The following ANKHD1 variants were observed in gnomAD, a reference collection of about 807,000 sequenced individuals.
ANKHD1 encodes the protein ankyrin repeat and KH domain containing 1.
A neutral mutation model predicts 230.5 loss-of-function variants in ANKHD1; 31 were observed. The observed-to-expected ratio is 0.13, with a 90% CI of 0.10 to 0.18. ANKHD1 has a LOEUF of 0.18. ANKHD1 is among the 10% of genes least tolerant of loss of function. ANKHD1 has a pLI of 1.00. For missense variants in ANKHD1, 2,256 were observed against 3,071.3 expected (o/e 0.73, Z 6.27); for synonymous variants, 1,074 against 1,117.6 (o/e 0.96, Z 0.78).
rs1290548777 is a variant in ANKHD1, at chr5:140,449,301, G to C, written c.1238G>C (p.Cys413Ser). 4.3e-6 allele frequency: 7 copies of C among 1,611,908 alleles called. No homozygotes were observed. Among genetic ancestry groups the C allele is most frequent in the Non-Finnish European group, 5.9e-6 (7 of 1,178,722 alleles). The change falls in exon 7 of 34, where the codon TGC becomes TCC. Residue 413 changes from cysteine to serine, a missense_variant. By Grantham distance (112) the Cys-to-Ser change is moderately radical. Transcript: ENST00000360839. Reference protein sequence around the residue: ...DEMHTALMEACMDGHVEVARL... With the variant: ...DEMHTALMEASMDGHVEVARL... ...ATGCACACTGCCTTAATGGAGGCCT[G>C]CATGGTAATTTTAAATTACACTCAC... is the stretch of plus-strand genomic sequence containing the variant.
intron 24 of ANKHD1, among the ~76,000 whole-genome samples, chr5:140,520,838 A>C (rs1753313578): frequency 6.7e-6 from 1 of 149,202 alleles, no homozygotes; most frequent in Non-Finnish European, 1.5e-5. Context: ...CTAGATGACG[A>C]GTTAATGGGT....
intron 5 of ANKHD1, among the ~76,000 whole-genome samples, chr5:140,442,425 G>A (rs1344945545): frequency 6.6e-6 from 1 of 151,994 alleles, no homozygotes; most frequent in East Asian, 1.9e-4. Flanking sequence ...ACGTGGGGGA[G>A]GGAGGAGGGG....
intron 10 of ANKHD1, among the ~76,000 whole-genome samples, chr5:140,471,950 T>G (rs1446937163): frequency 6.6e-6 from 1 of 152,220 alleles, no homozygotes; most frequent in Admixed American, 6.5e-5. Context: ...TTTTTGTGGC[T>G]TTGTTTTTTG....
intron 24 of ANKHD1, 141 bp downstream of exon 24, chr5:140,513,620 C>A: frequency 1.4e-6 from 1 of 720,846 alleles, no homozygotes; most frequent in Non-Finnish European, 2.1e-6. Context: ...ACCAGCCTTG[C>A]TAACAAGGTG....
chr5:140,532,880 T>C (rs1167577094), intron 29 of ANKHD1: 4 of 360,948 alleles, frequency 1.1e-5, no homozygotes, highest in Non-Finnish European at 2.2e-5. Flanking sequence ...GTGGATCACT[T>C]GAAGTCAGGA....
At chr5:140,402,843 CT>C (rs1370955993) in intron 1 of ANKHD1, among the ~76,000 whole-genome samples, 1 of 151,980 alleles carries the variant, frequency 6.6e-6, no homozygotes, top group African/African-American at 2.4e-5. Context: ...CTTCTGGGAC[CT>C]TTTGTGAAGT....
At chr5:140,462,504 C>T (rs1581285607) in intron 9 of ANKHD1, among the ~76,000 whole-genome samples, 1 of 151,738 alleles carries the variant, frequency 6.6e-6, no homozygotes, top group East Asian at 1.9e-4. Context: ...GTGGGCGGAT[C>T]ACAAGGTCAG....
chr5:140,443,691 A>G (rs1036726213), intron 5 of ANKHD1, among the ~76,000 whole-genome samples: 12 of 152,006 alleles, frequency 7.9e-5, no homozygotes, highest in East Asian at 3.9e-4. Flanking sequence ...AAAAAAAAAA[A>G]AAAAAGAAAA....
In ANKHD1 at chr5:140,414,962, T is replaced by G. The variant is rs148883855; in HGVS notation, c.306+12689T>G. On this transcript the variant is annotated intron_variant, in intron 1 of 33. Transcript: ENST00000360839. ...AAATATTTGCCTTCATTCTGTAGCTTGTCATTTCATTCTGTTGCTGTAGTG... is the reference window on the plus strand; with the variant it reads ...AAATATTTGCCTTCATTCTGTAGCTGGTCATTTCATTCTGTTGCTGTAGTG... Among the ~76,000 whole-genome samples, 657 of 152,340 alleles carry G rather than the reference T, an allele frequency of 4.3e-3. 1 individual carries two copies. The highest frequency in any genetic ancestry group is 5.7e-3 in the Non-Finnish European group (385 of 68,028).
chr5:140,412,106 A>T (rs1770979757), intron 1 of ANKHD1, among the ~76,000 whole-genome samples: 1 of 151,774 alleles, frequency 6.6e-6, no homozygotes, highest in African/African-American at 2.4e-5. Flanking sequence ...GGCGGATCTC[A>T]GCTCACTGCA....
chr5:140,520,354 T>G (rs891222203), intron 24 of ANKHD1, among the ~76,000 whole-genome samples: 13 of 152,060 alleles, frequency 8.5e-5, no homozygotes, highest in African/African-American at 3.1e-4. Context: ...GTTCAACCAT[T>G]GTGGAAGTCA....
intron 14 of ANKHD1, among the ~76,000 whole-genome samples, chr5:140,488,998 T>C (rs1248358275): frequency 6.6e-6 from 1 of 152,040 alleles, no homozygotes; most frequent in African/African-American, 2.4e-5. Context: ...GAGACCAGCC[T>C]GGGCAACATG....
intron 7 of ANKHD1, among the ~76,000 whole-genome samples, chr5:140,457,040 A>G (rs1775248780): frequency 6.6e-6 from 1 of 152,204 alleles, no homozygotes; most frequent in South Asian, 2.1e-4. Context: ...AAAAGTGGAC[A>G]AAGGATATGA....
At chr5:140,491,113 C>T (rs1438602299) in intron 14 of ANKHD1, among the ~76,000 whole-genome samples, 219 of 101,394 alleles carry the variant, frequency 2.2e-3, no homozygotes, top group African/African-American at 7.7e-3. Flanking sequence ...TATATACACA[C>T]ACACACATAT....
intron 5 of ANKHD1, among the ~76,000 whole-genome samples, chr5:140,445,142 G>C (rs1300023570): frequency 6.6e-6 from 1 of 151,956 alleles, no homozygotes; most frequent in Non-Finnish European, 1.5e-5. Flanking sequence ...TTACAGGTGT[G>C]AGCCATCGCA....
At position 140,459,245 on chromosome 5, in the gene ANKHD1, C is replaced by G. The variant is rs766044908; in HGVS notation, c.1562C>G (p.Ala521Gly). 1.5e-5 allele frequency: 24 copies of G among 1,602,702 alleles called. No individual in the cohort carries two copies. The highest frequency in any genetic ancestry group is 2.7e-5 in the African/African-American group (2 of 74,786). The change falls in exon 9 of 34, where the codon GCA becomes GGA. Residue 521 changes from alanine (A) to glycine (G), a missense_variant. Physicochemically the swap from Ala to Gly is moderately conservative, Grantham distance 60. Transcript: ENST00000360839. ...TGCTGTGGAGGATTTTCTGAAGTTG[C>G]AGACTTTCTTATTAAGGCAGGGGCT... is the stretch of plus-strand genomic sequence containing the variant. ...LACCGGFSEV[A>G]DFLIKAGADI...
At chr5:140,524,937 TAA>T (rs199775607) in intron 25 of ANKHD1, 1,249 of 285,024 alleles carry the variant, frequency 4.4e-3, no homozygotes, top group South Asian at 8.0e-3. Flanking sequence ...CGTCTCTACT[TAA>T]AAAAAAAAAA....
At chr5:140,456,888 A>G (rs2126959904) in intron 7 of ANKHD1, among the ~76,000 whole-genome samples, 1 of 152,376 alleles carries the variant, frequency 6.6e-6, no homozygotes, top group East Asian at 1.9e-4. Flanking sequence ...GCTTCTGCAC[A>G]GCAAAAGAAA....
At chr5:140,447,266 T>A (rs1183076513) in intron 6 of ANKHD1, among the ~76,000 whole-genome samples, 3 of 151,928 alleles carry the variant, frequency 2.0e-5, no homozygotes, top group Admixed American at 6.6e-5. Flanking sequence ...GCAGTGGCAC[T>A]GTCATAGCTC....
Sources: allele counts gnomAD v4.1 joint callset (sites outside exome capture counted in the v4.1 genomes callset), GRCh38; gene constraint gnomAD v4.1.1; transcripts MANE v1.5; gene names NCBI Gene and HGNC (gene_info 2026-07-23, HGNC 2026-07-21).